Variants in KCNK9 observed in about 807,000 individuals in gnomAD.
KCNK9 encodes the protein potassium channel subfamily K member 9.
Under a neutral mutation model 10.8 loss-of-function variants are expected in KCNK9, and 1 was observed. That is an observed-to-expected ratio of 0.09 (90% CI 0.03 to 0.44). The LOEUF is 0.44. Ranked by LOEUF, KCNK9 falls within the 20% of genes least tolerant of loss-of-function variation. The pLI, the probability that KCNK9 is intolerant of heterozygous loss-of-function variation, is 0.97. For synonymous variants in KCNK9, 231 were observed against 222.7 expected (o/e 1.04, Z -0.33); for missense variants, 303 against 515.0 (o/e 0.59, Z 3.98).
chr8:139,681,331 A>T (rs1031400603), intron 1 of KCNK9, among the ~76,000 whole-genome samples: 2 of 152,230 alleles, frequency 1.3e-5, no homozygotes, highest in Non-Finnish European at 2.9e-5. Flanking sequence ...CACCAAGTGA[A>T]GAAACAGCAG....
At chr8:139,680,556 T>C (rs1281890995) in intron 1 of KCNK9, among the ~76,000 whole-genome samples, 3 of 152,156 alleles carry the variant, frequency 2.0e-5, no homozygotes, top group Admixed American at 2.0e-4. Context: ...TGGCCTTCTG[T>C]GGCTTCAGCA....
intron 1 of KCNK9, among the ~76,000 whole-genome samples, chr8:139,628,274 G>A (rs939409101): frequency 6.6e-6 from 1 of 152,206 alleles, no homozygotes; most frequent in African/African-American, 2.4e-5. Flanking sequence ...ATCATCAGTT[G>A]GCTCCATCCA....
downstream of KCNK9, among the ~76,000 whole-genome samples, chr8:139,610,697 T>C (rs1262897475): frequency 6.6e-6 from 1 of 152,182 alleles, no homozygotes. Flanking sequence ...TCTAGATGGA[T>C]AGTGCCTCCC....
intron 2 of KCNK9, among the ~76,000 whole-genome samples, chr8:139,601,855 C>T (rs1817377821): frequency 1.3e-5 from 2 of 152,134 alleles, no homozygotes; most frequent in South Asian, 4.1e-4. Context: ...TATTGTGAAC[C>T]CGCATGTGTC....
chr8:139,622,293 C>G (rs1043164745), intron 1 of KCNK9, among the ~76,000 whole-genome samples: 1 of 152,198 alleles, frequency 6.6e-6, no homozygotes, highest in African/African-American at 2.4e-5. Context: ...AAGTGAGAGA[C>G]AAGTTTCGGG....
chr8:139,648,518 C>G (rs1815759342), intron 1 of KCNK9, among the ~76,000 whole-genome samples: 2 of 152,220 alleles, frequency 1.3e-5, no homozygotes, highest in Admixed American at 1.3e-4. Flanking sequence ...TCCAGCCTGC[C>G]TCCTGTCCCT....
chr8:139,644,921 G>A (rs1014907822), intron 1 of KCNK9, among the ~76,000 whole-genome samples: 2 of 152,116 alleles, frequency 1.3e-5, no homozygotes, highest in East Asian at 3.9e-4. Flanking sequence ...TGATCTATTT[G>A]TGCCTCCCCC....
chr8:139,687,358 ACATATATATGTG>A (rs1168696640), intron 1 of KCNK9, among the ~76,000 whole-genome samples: 1 of 47,542 alleles, frequency 2.1e-5, no homozygotes, highest in Non-Finnish European at 5.0e-5. Context: ...ATATATGTAT[ACATATATATGTG>A]TATACATATA....
At chr8:139,630,134 A>C (rs1815117657) in intron 1 of KCNK9, among the ~76,000 whole-genome samples, 1 of 152,198 alleles carries the variant, frequency 6.6e-6, no homozygotes, top group Non-Finnish European at 1.5e-5. Flanking sequence ...CTCGGAACTC[A>C]GTCCCAGTGG....
At chr8:139,616,113 C>T (rs573686527), downstream of KCNK9, 4 of 152,246 alleles carry the variant, frequency 2.6e-5, no homozygotes, top group South Asian at 2.1e-4. Flanking sequence ...GCCTTGGTGT[C>T]GTCATAGATC....
At chr8:139,652,557 G>T (rs1285363813) in intron 1 of KCNK9, among the ~76,000 whole-genome samples, 1 of 152,142 alleles carries the variant, frequency 6.6e-6, no homozygotes, top group Non-Finnish European at 1.5e-5. Flanking sequence ...ATGCTCTGGG[G>T]GCGGGGGCCG....
intron 1 of KCNK9, among the ~76,000 whole-genome samples, chr8:139,625,785 A>G (rs1403786401): frequency 6.6e-6 from 1 of 152,006 alleles, no homozygotes; most frequent in Non-Finnish European, 1.5e-5. Context: ...GCAGAGGACA[A>G]GGAAAATAAA....
Position 139,702,697 on chromosome 8 carries a change from G to T in KCNK9, c.283+13C>A. On this transcript the variant is annotated intron_variant, in intron 1 of 1. Coordinates refer to ENST00000520439, the MANE Select transcript of KCNK9 (RefSeq NM_001282534.2). This position sits in a 1 kb window ranked among gnomAD's most constrained non-coding sequence, Gnocchi z 7.5. ...CCGGGGCGCGGGAGCCCAGCGGCGC[G>T]CCCAGCCCTTACCTATGGTGGTGAT... 2 of 1,601,018 alleles carry T rather than the reference G, an allele frequency of 1.2e-6. No individual in the cohort carries two copies. Among genetic ancestry groups the T allele is most frequent in the Non-Finnish European group, 1.7e-6 (2 of 1,176,988 alleles).
intron 1 of KCNK9, among the ~76,000 whole-genome samples, chr8:139,688,190 A>G (rs1363489249): frequency 1.3e-5 from 2 of 152,208 alleles, no homozygotes; most frequent in Admixed American, 1.3e-4. Flanking sequence ...AGAGCAAAAT[A>G]ATGGTTTACT....
In KCNK9 at chr8:139,618,393, G is replaced by C. The variant is rs1427234300; in HGVS notation, c.990C>G (p.Ile330Met). The part of the protein sequence containing the change: ...AKLAPHYFHS[I>M]SYKIEEISPS... ...GTGAGATCTCCTCGATCTTGTAAGA[G>C]ATGGAGTGGAAGTAGTGGGGGGCAA... Residue 330 changes from isoleucine (I) to methionine (M), a missense_variant, in exon 2 of 2, where the codon ATC (isoleucine) becomes ATG (methionine). Physicochemically the swap from Ile to Met is conservative, Grantham distance 10. Coordinates refer to ENST00000520439, the MANE Select transcript of KCNK9 (RefSeq NM_001282534.2). The surrounding 1 kb of genome is among the most constrained non-coding windows in gnomAD (Gnocchi z 7.9). 4 of 1,614,034 alleles carry C rather than the reference G, an allele frequency of 2.5e-6. No homozygotes were observed. Among genetic ancestry groups the C allele is most frequent in the Non-Finnish European group, 3.4e-6 (4 of 1,180,044 alleles).
At chr8:139,691,276 G>A (rs1258095972) in intron 1 of KCNK9, among the ~76,000 whole-genome samples, 1 of 152,216 alleles carries the variant, frequency 6.6e-6, no homozygotes, top group Admixed American at 6.5e-5. Flanking sequence ...GGGTGAGCAA[G>A]GATTTCACCG....
intron 1 of KCNK9, among the ~76,000 whole-genome samples, chr8:139,641,706 G>T (rs1815511650): frequency 6.6e-6 from 1 of 152,046 alleles, no homozygotes; most frequent in Non-Finnish European, 1.5e-5. Flanking sequence ...ACTGCGCTGA[G>T]CCTCCTCTCC....
chr8:139,648,124 G>A (rs1251512389), intron 1 of KCNK9, among the ~76,000 whole-genome samples: 2 of 152,186 alleles, frequency 1.3e-5, no homozygotes, highest in Non-Finnish European at 2.9e-5. Flanking sequence ...CAACACGGAA[G>A]AGCCTCGAAA....
chr8:139,637,807 G>C (rs1017152981), intron 1 of KCNK9, among the ~76,000 whole-genome samples: 2 of 92,960 alleles, frequency 2.2e-5, no homozygotes, highest in Admixed American at 2.4e-4. Context: ...GGGAGTGGGA[G>C]GAAACTTCAG....
Sources: allele counts gnomAD v4.1 joint callset (sites outside exome capture counted in the v4.1 genomes callset), GRCh38; gene constraint gnomAD v4.1.1; non-coding constraint Gnocchi (gnomAD v3.1); transcripts MANE v1.5; gene names NCBI Gene and HGNC (gene_info 2026-07-23, HGNC 2026-07-21).